Variants in CFAP57 observed in about 807,000 individuals in gnomAD.
The protein encoded by CFAP57 is cilia and flagella associated protein 57, also known as cilia- and flagella-associated protein 57.
In CFAP57, 116 loss-of-function variants were observed where a neutral mutation model predicts 146.8. The observed-to-expected ratio is 0.79, with a 90% CI of 0.68 to 0.92. The LOEUF is 0.92. Among genes scored for constraint, CFAP57 ranks in the 40% least tolerant of loss-of-function variants. The probability of loss-of-function intolerance (pLI) is 0.00; values close to 1 mark genes in which losing one functional copy is unlikely to be tolerated. For synonymous variants in CFAP57, 518 were observed against 552.8 expected (o/e 0.94, Z 0.88); for missense variants, 1,377 against 1,527.2 (o/e 0.90, Z 1.64).
At chr1:43,200,764 A>C (rs1644086360) in intron 9 of CFAP57, among the ~76,000 whole-genome samples, 1 of 152,220 alleles carries the variant, frequency 6.6e-6, no homozygotes, top group African/African-American at 2.4e-5. Flanking sequence ...TTGAGCAATG[A>C]TAGAGGGAGT....
chr1:43,190,519 C>T (rs533552333), intron 6 of CFAP57, among the ~76,000 whole-genome samples: 1 of 152,200 alleles, frequency 6.6e-6, no homozygotes, highest in South Asian at 2.1e-4. Context: ...ATCCGCCTGC[C>T]TCGGCCTCCT....
chr1:43,199,604 T>C, intron 9 of CFAP57, 101 bp downstream of exon 9: 1 of 1,037,188 alleles, frequency 9.6e-7, no homozygotes, highest in Non-Finnish European at 1.5e-6. Flanking sequence ...GTTCCTTTCC[T>C]CATGGGTTCA....
chr1:43,248,138 CAAA>C (rs35277187), intron 22 of CFAP57, among the ~76,000 whole-genome samples: 10 of 54,812 alleles, frequency 1.8e-4, no homozygotes, highest in African/African-American at 7.5e-4. Flanking sequence ...GACTCTGTCT[CAAA>C]AAAAAAAAAA....
chr1:43,198,171 T>G (rs1300637223), intron 7 of CFAP57, among the ~76,000 whole-genome samples: 3 of 152,190 alleles, frequency 2.0e-5, no homozygotes, highest in Admixed American at 6.5e-5. Context: ...CCTACTGTTT[T>G]CTTTGTTCTT....
chr1:43,213,888 C>CTTTTT (rs35273028), intron 11 of CFAP57, among the ~76,000 whole-genome samples: 1 of 139,742 alleles, frequency 7.2e-6, no homozygotes, highest in Non-Finnish European at 1.5e-5. Context: ...CCTTAGCCCA[C>CTTTTT]TTTTTTTTTT....
At position 43,186,689 on chromosome 1, in the gene CFAP57, G is replaced by GTTT. The variant is rs776618830; in HGVS notation, c.970-16_970-14dup. On this transcript the variant is annotated splice_polypyrimidine_tract_variant and intron_variant, in intron 5 of 22. Transcript: ENST00000372492. ...CAACGTGGGGACATTACTGATAGCTGTTTTGCATTTTGGGCAGATTCCTGT... is the reference window on the plus strand; with the variant it reads ...CAACGTGGGGACATTACTGATAGCTGTTTTTTTGCATTTTGGGCAGATTCCTGT... The GTTT allele has an allele frequency of 6.8e-4, 1,098 of 1,612,858 alleles. 1 individual carries two copies. Among genetic ancestry groups the GTTT allele is most frequent in the Non-Finnish European group, 6.9e-4 (814 of 1,179,572 alleles).
chr1:43,172,441 A>T lies in CFAP57; in HGVS notation c.-32A>T, dbSNP rs1162299180. 6.5e-7 allele frequency: 1 copy of T among 1,548,932 alleles called. No homozygotes were observed. Among genetic ancestry groups the T allele is most frequent in the Non-Finnish European group, 8.7e-7 (1 of 1,145,552 alleles). The stretch of plus-strand genomic sequence containing the variant: ...ATACATGCGTGGTCTGCTGACCCAG[A>T]GAGAAACGAAAGGTGGGAGGGGGTA... On this transcript the variant is annotated 5_prime_UTR_variant, in exon 1 of 23. An upstream open reading frame in the 5' UTR gains an earlier in-frame stop. Transcript: ENST00000372492.
Position 43,181,583 on chromosome 1 carries a change from G to A in CFAP57, c.207G>A (p.Arg69=). 6.2e-7 allele frequency: 1 copy of A among 1,614,158 alleles called. No individual in the cohort carries two copies. The highest frequency in any genetic ancestry group is 1.1e-5 in the South Asian group (1 of 91,082). ...TGGCCTTGTCCATCAGTCCCAATCG[G>A]CGGTACCTCGCTATCTCTGAGACTG... ...GMLALSISPN[R]RYLAISETVQ... is the part of the protein sequence containing the mutation. The change falls in exon 3 of 23, where the codon CGG becomes CGA. Residue 69 remains arginine (R), a synonymous_variant. Transcript: ENST00000372492.
At chr1:43,183,927 A>G (rs760247370) in intron 4 of CFAP57, 50 bp downstream of exon 4, 1 of 1,609,772 alleles carries the variant, frequency 6.2e-7, no homozygotes, top group Non-Finnish European at 8.5e-7. Context: ...TACTGACAGC[A>G]TTATGCAGAA....
In CFAP57 at chr1:43,227,086, G is replaced by A. The variant is rs892606329; in HGVS notation, c.2969G>A (p.Arg990Gln). The A allele has an allele frequency of 9.1e-6, 14 of 1,543,758 alleles. No homozygotes were observed. In the African/African-American group the frequency reaches 1.2e-4, roughly 14 times the overall value. ...GAGCTGAAGAAGCAAATAGAACCTC[G>A]AGAGAATGAGATCAGGGTGATGAAG... ...IKELKKQIEPRENEIRVMKEQ... is the reference protein window; with the variant it reads ...IKELKKQIEPQENEIRVMKEQ... Residue 990 changes from arginine to glutamine, a missense_variant, in exon 18 of 23, where the codon CGA (arginine) becomes CAA (glutamine). Coordinates refer to ENST00000372492, the MANE Select transcript of CFAP57 (RefSeq NM_001378189.1).
intron 8 of CFAP57, 133 bp downstream of exon 8, chr1:43,198,779 G>A (rs1570012649): frequency 1.1e-6 from 1 of 901,790 alleles, no homozygotes; most frequent in South Asian, 1.4e-5. Flanking sequence ...AAAAAAAGGG[G>A]GAAGGAGGAA....
chr1:43,226,863 A>G, intron 17 of CFAP57, 120 bp from the exon 18 acceptor site: 1 of 1,111,238 alleles, frequency 9.0e-7, no homozygotes, highest in South Asian at 2.1e-5. Context: ...GGAGGAGAGG[A>G]GTCTCCTGGT....
rs1431410993 is a variant in CFAP57, at chr1:43,228,576, C to T, written c.3009+1450C>T. Among the ~76,000 whole-genome samples, 2 of 147,240 alleles carry T rather than the reference C, an allele frequency of 1.4e-5. 1 individual carries two copies. The highest frequency in any genetic ancestry group is 5.1e-5 in the African/African-American group (2 of 39,366). ...AGCCAGGTGGAGATCAGTCCAGGGC[C>T]AGGGGGCCCAGAGAGGGTATGTCCT... On this transcript the variant is annotated intron_variant, in intron 18 of 22. Coordinates refer to ENST00000372492, the MANE Select transcript of CFAP57 (RefSeq NM_001378189.1).
At chr1:43,232,037 T>G (rs1169354185) in intron 18 of CFAP57, 1 of 698,808 alleles carries the variant, frequency 1.4e-6, no homozygotes, top group East Asian at 2.7e-5. Flanking sequence ...GGTGCCCACA[T>G]GTTGGTCCCT....
chr1:43,182,243 A>G lies in CFAP57; in HGVS notation c.474+393A>G, dbSNP rs1033691245. ...GCCGGGCAGTAGGAAGATTTCCGAA[A>G]TGTGATGTAACATGGTAGGTCTTTA... On this transcript the variant is annotated intron_variant, in intron 3 of 22. Coordinates refer to ENST00000372492, the MANE Select transcript of CFAP57 (RefSeq NM_001378189.1). Among the ~76,000 whole-genome samples the G allele has an allele frequency of 5.3e-5, 8 of 152,224 alleles. No homozygotes were observed. The East Asian group carries it at 1.5e-3, about 29-fold the overall frequency.
rs1249117348 is a variant in CFAP57, at chr1:43,172,802, C to T, written c.49C>T (p.His17Tyr). 11 of 1,614,038 alleles carry T rather than the reference C, an allele frequency of 6.8e-6. No homozygotes were observed. The highest frequency in any genetic ancestry group is 9.3e-6 in the Non-Finnish European group (11 of 1,180,028). The change falls in exon 2 of 23, where the codon CAC (histidine) becomes TAC (tyrosine). Residue 17 changes from histidine to tyrosine, a missense_variant. His to Tyr is a moderately conservative substitution (Grantham distance 83). Transcript: ENST00000372492. Reference sequence around the variant, plus strand: ...GCTGCATGTTTTTGGTCTTCGATCCCACGTGGCCAACAATATCTTCTACTT... The same window carrying T: ...GCTGCATGTTTTTGGTCTTCGATCCTACGTGGCCAACAATATCTTCTACTT... Reference protein sequence around the residue: ...QTLHVFGLRSHVANNIFYFDE... With the variant: ...QTLHVFGLRSYVANNIFYFDE...
chr1:43,181,950 T>C (rs1198547486), intron 3 of CFAP57, 100 bp downstream of exon 3: 1 of 1,353,044 alleles, frequency 7.4e-7, no homozygotes, highest in Non-Finnish European at 1.0e-6. Flanking sequence ...CCTCCATGCA[T>C]TTTAAAATTT....
At chr1:43,240,636 C>T (rs558644355) in intron 21 of CFAP57, among the ~76,000 whole-genome samples, 1 of 152,294 alleles carries the variant, frequency 6.6e-6, no homozygotes, top group South Asian at 2.1e-4. Flanking sequence ...CTGGGCATTT[C>T]ATCCGAGACA....
intron 11 of CFAP57, among the ~76,000 whole-genome samples, chr1:43,214,071 G>A (rs1484465277): frequency 4.0e-5 from 6 of 151,644 alleles, no homozygotes; most frequent in African/African-American, 1.2e-4. Flanking sequence ...TTTTTAGTAC[G>A]GATGAGGTTT....
Sources: allele counts gnomAD v4.1 joint callset (sites outside exome capture counted in the v4.1 genomes callset), GRCh38; gene constraint gnomAD v4.1.1; transcripts MANE v1.5; gene names NCBI Gene and HGNC (gene_info 2026-07-23, HGNC 2026-07-21).